The following CCDC90B variants were observed in gnomAD, a reference collection of about 807,000 sequenced individuals.
CCDC90B encodes coiled-coil domain-containing protein 90B, mitochondrial.
In CCDC90B, 24 loss-of-function variants were observed where a neutral mutation model predicts 37.0. The ratio of observed to expected loss-of-function variants is 0.65; its 90% CI spans 0.47 to 0.91. CCDC90B has a LOEUF of 0.91. CCDC90B is among the 40% of genes least tolerant of loss of function. The probability of loss-of-function intolerance (pLI) is 0.00; values close to 1 mark genes in which losing one functional copy is unlikely to be tolerated. For synonymous variants in CCDC90B, 113 were observed against 101.1 expected (o/e 1.12, Z -0.71); for missense variants, 319 against 299.0 (o/e 1.07, Z -0.49).
chr11:83,274,361 C>G (rs967074784), intron 4 of CCDC90B: 7 of 268,528 alleles, frequency 2.6e-5, no homozygotes, highest in Admixed American at 1.5e-4. Flanking sequence ...GCTCTGAAAC[C>G]ATTATATACA....
intron 4 of CCDC90B, chr11:83,274,228 T>C (rs1323049979): frequency 2.7e-6 from 1 of 369,064 alleles, no homozygotes; most frequent in Non-Finnish European, 4.8e-6. Flanking sequence ...TTTCTAAATT[T>C]AAAAATAAGC....
At chr11:83,273,478 C>T in intron 7 of CCDC90B, 169 bp downstream of exon 7, 1 of 454,678 alleles carries the variant, frequency 2.2e-6, no homozygotes, top group Non-Finnish European at 3.9e-6. Flanking sequence ...GACCATCTAC[C>T]TGGTGCCAGG....
intron 1 of CCDC90B, among the ~76,000 whole-genome samples, chr11:83,283,867 T>G (rs12270669): frequency 0.033 from 5,066 of 151,956 alleles, 275 homozygotes; most frequent in African/African-American, 0.11. Context: ...GAGGCTGAAG[T>G]GGGAGGATCA....
At chr11:83,280,386 C>G in intron 1 of CCDC90B, 126 bp from the exon 2 acceptor site, 1 of 791,258 alleles carries the variant, frequency 1.3e-6, no homozygotes, top group Non-Finnish European at 2.0e-6. Context: ...GTCATCTCAC[C>G]CAAGTTAATT....
rs552418186 is a variant in CCDC90B at position 83,261,728 on chromosome 11, T to TCA, written c.*181_*182dup. The TCA allele has an allele frequency of 3.9e-3, 1,795 of 461,256 alleles. 4 individuals carry two copies. The highest frequency in any genetic ancestry group is 6.0e-3 in the Non-Finnish European group (1,559 of 257,780). The allele number at this position is 461,256 out of a possible 1,614,324, so 28.6% of individuals were successfully genotyped here. A position where few individuals can be genotyped will look rare whatever the true frequency, so the allele number is the denominator to read the frequency against. On this transcript the variant is annotated 3_prime_UTR_variant, in exon 9 of 9. Transcript: ENST00000529689. Reference sequence around the variant, plus strand: ...ATATAATAAAGACACACACCTGCACTCACACACACACAATAAAGACACAGT... The same window carrying TCA: ...ATATAATAAAGACACACACCTGCACTCACACACACACACAATAAAGACACAGT...
At chr11:83,270,090 A>G (rs1191993729) in intron 7 of CCDC90B, among the ~76,000 whole-genome samples, 3 of 152,196 alleles carry the variant, frequency 2.0e-5, no homozygotes, top group Non-Finnish European at 4.4e-5. Flanking sequence ...AAAGGGCTTC[A>G]ACAAAATTCA....
At chr11:83,278,041 ATTTAG>A (rs1465597526) in intron 3 of CCDC90B, among the ~76,000 whole-genome samples, 3 of 152,188 alleles carry the variant, frequency 2.0e-5, no homozygotes, top group East Asian at 1.9e-4. Flanking sequence ...AGTTAAGTTC[ATTTAG>A]TTTATTCAGT....
At chr11:83,279,855 A>T (rs1865280378) in intron 2 of CCDC90B, among the ~76,000 whole-genome samples, 1 of 151,664 alleles carries the variant, frequency 6.6e-6, no homozygotes, top group Admixed American at 6.6e-5. Context: ...TTGTACTTCC[A>T]CACGGACTTT....
chr11:83,277,106 G>T (rs1446831352), intron 3 of CCDC90B, among the ~76,000 whole-genome samples: 4 of 152,082 alleles, frequency 2.6e-5, no homozygotes, highest in Non-Finnish European at 5.9e-5. Flanking sequence ...TAATAAAAAA[G>T]CCAAAAGTTT....
In CCDC90B at chr11:83,286,100, C is replaced by G. The variant is rs146599857; in HGVS notation, c.-128G>C. 1,670 of 1,536,862 alleles carry G rather than the reference C, an allele frequency of 1.1e-3. 8 individuals are homozygous for G. Among genetic ancestry groups the G allele is most frequent in the South Asian group, 7.8e-3 (656 of 84,064 alleles). ...AGTTTTCGCTCTGTCACAAGCTCAC[C>G]TCCCAGCGCAGGCGCCACCGTGGTC... On this transcript the variant is annotated 5_prime_UTR_variant, in exon 1 of 9. Coordinates refer to ENST00000529689, the MANE Select transcript of CCDC90B (RefSeq NM_021825.5).
chr11:83,275,363 A>G (rs1393909847), intron 3 of CCDC90B, among the ~76,000 whole-genome samples: 4 of 152,156 alleles, frequency 2.6e-5, no homozygotes, highest in Non-Finnish European at 5.9e-5. Context: ...CAAAGAAAAT[A>G]TAACTGTTAC....
chr11:83,265,430 G>A (rs554015585), intron 8 of CCDC90B, among the ~76,000 whole-genome samples: 1 of 151,406 alleles, frequency 6.6e-6, no homozygotes, highest in Non-Finnish European at 1.5e-5. Context: ...TTTTTCCACT[G>A]TGGAGTACCA....
intron 3 of CCDC90B, 139 bp from the exon 4 acceptor site, chr11:83,274,879 T>C (rs1864929196): frequency 6.2e-6 from 3 of 486,362 alleles, no homozygotes; most frequent in African/African-American, 4.1e-5. Context: ...ATATGAAACC[T>C]ACATATCTGA....
In CCDC90B at chr11:83,280,331, AT is replaced by A. The variant is rs1282234261; in HGVS notation, c.101-72del. On this transcript the variant is annotated intron_variant, in intron 1 of 8. Coordinates refer to ENST00000529689, the MANE Select transcript of CCDC90B (RefSeq NM_021825.5). Reference sequence around the variant, plus strand: ...ACAAAGCTACTTTAGCTTACAAAGCATTTTCCCCATCCATTTATAATATAGT... The same window carrying A: ...ACAAAGCTACTTTAGCTTACAAAGCATTTCCCCATCCATTTATAATATAGT... 2.9e-6 allele frequency: 4 copies of A among 1,357,526 alleles called. No homozygotes were observed. The Admixed American group carries it at 7.6e-5, about 26-fold the overall frequency. 84.1% of individuals were successfully genotyped at this position (1,357,526 alleles called of 1,614,324 possible). A position where few individuals can be genotyped will look rare whatever the true frequency, so the allele number is the denominator to read the frequency against.
chr11:83,274,077 A>C, intron 4 of CCDC90B, 85 bp from the exon 5 acceptor site: 1 of 1,042,572 alleles, frequency 9.6e-7, no homozygotes. Flanking sequence ...AGATTACCAA[A>C]ATTTGGACAA....
rs927772881 is a variant in CCDC90B at position 83,284,340 on chromosome 11, T to G, written c.100+1533A>C. On this transcript the variant is annotated intron_variant, in intron 1 of 8. Coordinates refer to ENST00000529689, the MANE Select transcript of CCDC90B (RefSeq NM_021825.5). ...TTTTGAAAAAACAACCAAGCAAACA[T>G]GTAAAGTGTTGTCCCATTAAATTTA... Among the ~76,000 whole-genome samples, 3 of 152,244 alleles carry G rather than the reference T, an allele frequency of 2.0e-5. No individual in the cohort carries two copies. In the East Asian group the frequency reaches 5.8e-4, roughly 29 times the overall value.
chr11:83,266,201 G>A (rs988514655), intron 7 of CCDC90B, among the ~76,000 whole-genome samples: 1 of 152,176 alleles, frequency 6.6e-6, no homozygotes, highest in Admixed American at 6.5e-5. Flanking sequence ...CGCAGAAGAC[G>A]GGTGATTTCT....
chr11:83,269,268 T>G lies in CCDC90B; in HGVS notation c.595-3289A>C, dbSNP rs80122989. Among the ~76,000 whole-genome samples, 654 of 151,920 alleles carry G rather than the reference T, an allele frequency of 4.3e-3. 1 individual carries two copies. Among genetic ancestry groups the G allele is most frequent in the African/African-American group, 9.9e-3 (412 of 41,478 alleles). ...AAGGCAATAAATAACTTCTGCTGCT[T>G]CTTATCTCTTTCAGAGGTAAGAGAT... On this transcript the variant is annotated intron_variant, in intron 7 of 8. Transcript: ENST00000529689.
intron 1 of CCDC90B, among the ~76,000 whole-genome samples, chr11:83,282,862 G>A (rs1321808824): frequency 1.3e-5 from 2 of 152,122 alleles, no homozygotes; most frequent in African/African-American, 4.8e-5. Context: ...GTCTCCCCAA[G>A]AGACCAGCAG....
Sources: allele counts gnomAD v4.1 joint callset (sites outside exome capture counted in the v4.1 genomes callset), GRCh38; gene constraint gnomAD v4.1.1; transcripts MANE v1.5; gene names NCBI Gene and HGNC (gene_info 2026-07-23, HGNC 2026-07-21).